Variants in IKZF1 observed in about 807,000 individuals in gnomAD.
IKZF1 encodes the protein IKAROS family zinc finger 1.
Under a neutral mutation model 51.7 loss-of-function variants are expected in IKZF1, and 10 were observed. The ratio of observed to expected loss-of-function variants is 0.19; its 90% confidence interval spans 0.12 to 0.33. The LOEUF (loss-of-function observed/expected upper bound fraction) is 0.33, where lower values mean the gene tolerates loss of function less well. Ranked by LOEUF, IKZF1 falls within the 10% of genes least tolerant of loss-of-function variation. The probability of loss-of-function intolerance (pLI) is 1.00; values close to 1 mark genes in which losing one functional copy is unlikely to be tolerated. For missense variants in IKZF1, 484 were observed against 707.5 expected (o/e 0.68, Z 3.58); for synonymous variants, 280 against 282.3 (o/e 0.99, Z 0.08).
chr7:50,351,199 T>C (rs1801774964), intron 3 of IKZF1, among the ~76,000 whole-genome samples: 1 of 152,186 alleles, frequency 6.6e-6, no homozygotes, highest in African/African-American at 2.4e-5. Flanking sequence ...GGGGTGTGGA[T>C]TTAACCATTA....
At chr7:50,373,529 T>G (rs1809346817) in intron 3 of IKZF1, among the ~76,000 whole-genome samples, 1 of 152,180 alleles carries the variant, frequency 6.6e-6, no homozygotes, top group Non-Finnish European at 1.5e-5. Context: ...TTTTCTAGCC[T>G]CGGAAGCACT....
In IKZF1 at chr7:50,363,713, T is replaced by C. The variant is rs565810900; in HGVS notation, c.161-12820T>C. Among the ~76,000 whole-genome samples the C allele has an allele frequency of 1.8e-4, 28 of 152,298 alleles. No homozygotes were observed. The East Asian group carries it at 5.2e-3, about 28-fold the overall frequency. The stretch of plus-strand genomic sequence containing the variant: ...CACTAGAGGGTGGTCTAAAAACAAA[T>C]GGATCCATCCACAGAAGGTCTGAAA... On this transcript the variant is annotated intron_variant, in intron 3 of 7. Coordinates refer to ENST00000331340, the MANE Select transcript of IKZF1 (RefSeq NM_006060.6).
At chr7:50,368,079 T>A in intron 3 of IKZF1, 2 of 703,150 alleles carry the variant, frequency 2.8e-6, no homozygotes, top group Non-Finnish European at 5.2e-6. Flanking sequence ...AGTATATGCC[T>A]TGCTTCTGGA....
chr7:50,368,004 A>G (rs1480655996), intron 3 of IKZF1: 2 of 686,620 alleles, frequency 2.9e-6, no homozygotes, highest in Non-Finnish European at 5.3e-6. Flanking sequence ...TCTTTATTGC[A>G]GTTACATATG....
At chr7:50,322,039 T>C (rs1392132910) in intron 2 of IKZF1, among the ~76,000 whole-genome samples, 2 of 152,248 alleles carry the variant, frequency 1.3e-5, no homozygotes, top group Admixed American at 6.5e-5. Flanking sequence ...CTCTACGTAA[T>C]GATGAGAGCA....
chr7:50,312,510 A>G (rs184901643), intron 1 of IKZF1, among the ~76,000 whole-genome samples: 1 of 152,168 alleles, frequency 6.6e-6, no homozygotes, highest in African/African-American at 2.4e-5. Context: ...CACTTTCTCT[A>G]TTTTTAAAAC....
chr7:50,308,336 T>A (rs867617886), intron 1 of IKZF1, among the ~76,000 whole-genome samples: 12 of 152,230 alleles, frequency 7.9e-5, no homozygotes, highest in Non-Finnish European at 1.3e-4. Context: ...TTGACGTTTT[T>A]CCCTCTCATG....
At chr7:50,347,908 G>C (rs1800783660) in intron 3 of IKZF1, among the ~76,000 whole-genome samples, 1 of 152,174 alleles carries the variant, frequency 6.6e-6, no homozygotes, top group Non-Finnish European at 1.5e-5. Flanking sequence ...CAACCCTCGT[G>C]TTTGCATTGA....
chr7:50,371,064 C>T (rs770270820), intron 3 of IKZF1, among the ~76,000 whole-genome samples: 1 of 152,130 alleles, frequency 6.6e-6, no homozygotes, highest in African/African-American at 2.4e-5. Context: ...GCCTGCAAAT[C>T]GGGCAGGCGG....
intron 5 of IKZF1, among the ~76,000 whole-genome samples, chr7:50,384,612 G>A (rs1165776288): frequency 1.3e-5 from 2 of 152,254 alleles, no homozygotes; most frequent in Non-Finnish European, 2.9e-5. Flanking sequence ...CATGGGTGAT[G>A]AGCATGTATG....
intron 1 of IKZF1, among the ~76,000 whole-genome samples, chr7:50,308,019 C>T (rs964576239): frequency 6.6e-6 from 1 of 152,156 alleles, no homozygotes; most frequent in Non-Finnish European, 1.5e-5. Flanking sequence ...GTTACCTTTC[C>T]ACATCTCCTG....
intron 1 of IKZF1, among the ~76,000 whole-genome samples, chr7:50,306,093 G>A: frequency 6.6e-6 from 1 of 152,268 alleles, no homozygotes; most frequent in East Asian, 1.9e-4. Context: ...GATCATTTGG[G>A]CTATGGCTTA....
At chr7:50,369,755 T>C (rs1251501389) in intron 3 of IKZF1, 1 of 395,232 alleles carries the variant, frequency 2.5e-6, no homozygotes. Context: ...GGAAAGAAAA[T>C]GCCTATTGCT....
intron 3 of IKZF1, among the ~76,000 whole-genome samples, chr7:50,347,932 G>A (rs1218837106): frequency 6.6e-6 from 1 of 152,230 alleles, no homozygotes; most frequent in East Asian, 1.9e-4. Flanking sequence ...AAGCTGTGCT[G>A]CAGATGGACA....
intron 3 of IKZF1, among the ~76,000 whole-genome samples, chr7:50,372,880 C>T (rs921507201): frequency 6.6e-6 from 1 of 152,230 alleles, no homozygotes; most frequent in Non-Finnish European, 1.5e-5. Context: ...TTTATTGTCA[C>T]ATTTGTTGAA....
intron 5 of IKZF1, 83 bp from the exon 6 acceptor site, chr7:50,387,262 G>A (rs1444312854): frequency 4.2e-6 from 6 of 1,441,838 alleles, no homozygotes; most frequent in Non-Finnish European, 5.5e-6. Flanking sequence ...AACTTTTTTG[G>A]TAATAATTGT....
At chr7:50,324,689 C>T (rs543943182) in intron 2 of IKZF1, among the ~76,000 whole-genome samples, 35 of 152,290 alleles carry the variant, frequency 2.3e-4, no homozygotes, top group Admixed American at 2.0e-3. Context: ...TCTTAAGAAG[C>T]GTACCTGTTA....
At chr7:50,314,890 C>G (rs900345537) in intron 1 of IKZF1, among the ~76,000 whole-genome samples, 2 of 152,230 alleles carry the variant, frequency 1.3e-5, no homozygotes, top group African/African-American at 4.8e-5. Flanking sequence ...ATGTTTCTCC[C>G]CAGGGGACAG....
At chr7:50,321,371 C>T (rs1338560163) in intron 2 of IKZF1, among the ~76,000 whole-genome samples, 2 of 152,240 alleles carry the variant, frequency 1.3e-5, no homozygotes, top group East Asian at 3.8e-4. Flanking sequence ...CTCACTGCAG[C>T]CTCAGAGAGC....
Sources: allele counts gnomAD v4.1 joint callset (sites outside exome capture counted in the v4.1 genomes callset), GRCh38; gene constraint gnomAD v4.1.1; transcripts MANE v1.5; gene names NCBI Gene and HGNC (gene_info 2026-07-23, HGNC 2026-07-21).